AOAH: variants seen among roughly 807,000 people sequenced by gnomAD.
AOAH encodes the protein acyloxyacyl hydrolase.
A neutral mutation model predicts 92.2 loss-of-function variants in AOAH; 64 were observed. That is an observed-to-expected ratio of 0.69 (90% CI 0.57 to 0.86). The LOEUF (loss-of-function observed/expected upper bound fraction) is 0.86, where lower values mean the gene tolerates loss of function less well. Ranked by LOEUF, AOAH falls within the 40% of genes least tolerant of loss-of-function variation. The probability of loss-of-function intolerance (pLI) is 0.00; values close to 1 mark genes in which losing one functional copy is unlikely to be tolerated. For synonymous variants in AOAH, 263 were observed against 254.5 expected (o/e 1.03, Z -0.32); for missense variants, 656 against 694.6 (o/e 0.94, Z 0.62).
rs760808169 is a variant in AOAH, at chr7:36,594,346, T to A, written c.931A>T (p.Thr311Ser). 1 of 1,613,384 alleles carries A rather than the reference T, an allele frequency of 6.2e-7. No individual in the cohort carries two copies. The highest frequency in any genetic ancestry group is 2.2e-5 in the East Asian group (1 of 44,876). The stretch of plus-strand genomic sequence containing the variant: ...GTGCACAAAGACACTTACCCAACAG[T>A]GGAGTCCAGAAATCCTGTAGCACCA... ...LSGATGFLDS[T>S]VGIKEKSIYL... is the part of the protein sequence containing the mutation. The change falls in exon 12 of 21, where the codon ACT (threonine) becomes TCT (serine). Residue 311 changes from threonine (T) to serine (S), a missense_variant. Physicochemically the swap from Thr to Ser is moderately conservative, Grantham distance 58. Coordinates refer to ENST00000617537, the MANE Select transcript of AOAH (RefSeq NM_001637.4).
chr7:36,590,047 G>A (rs937577420), intron 12 of AOAH, among the ~76,000 whole-genome samples: 1 of 151,798 alleles, frequency 6.6e-6, no homozygotes, highest in Non-Finnish European at 1.5e-5. Context: ...CAAACTCCTG[G>A]GCTCAAGCAA....
intron 1 of AOAH, among the ~76,000 whole-genome samples, chr7:36,695,155 T>C (rs917090277): frequency 6.6e-6 from 1 of 152,196 alleles, no homozygotes; most frequent in Non-Finnish European, 1.5e-5. Context: ...CACAAATGTA[T>C]ACCTAGACAA....
chr7:36,611,802 C>T (rs1270691711), intron 11 of AOAH, among the ~76,000 whole-genome samples: 1 of 152,200 alleles, frequency 6.6e-6, no homozygotes, highest in East Asian at 1.9e-4. Flanking sequence ...ACATACTGGT[C>T]CGCAACATTT....
intron 1 of AOAH, among the ~76,000 whole-genome samples, chr7:36,702,427 A>G (rs921354890): frequency 6.6e-6 from 1 of 152,084 alleles, no homozygotes; most frequent in African/African-American, 2.4e-5. Flanking sequence ...TAATGTTTTA[A>G]CTGATTCAGA....
intron 3 of AOAH, among the ~76,000 whole-genome samples, chr7:36,668,899 C>T (rs914771946): frequency 2.6e-5 from 4 of 152,202 alleles, no homozygotes; most frequent in African/African-American, 9.6e-5. Flanking sequence ...TAATGTTGAA[C>T]CTATCACATT....
chr7:36,723,874 C>A (rs1179897203), intron 1 of AOAH, 148 bp downstream of exon 1: 7 of 805,276 alleles, frequency 8.7e-6, no homozygotes, highest in Non-Finnish European at 1.3e-5. Flanking sequence ...TTAGACTCCA[C>A]ATTTCTCTGT....
chr7:36,632,430 A>C (rs1198714519), intron 5 of AOAH, among the ~76,000 whole-genome samples: 2 of 149,834 alleles, frequency 1.3e-5, no homozygotes, highest in Non-Finnish European at 3.0e-5. Flanking sequence ...AAGTGCTTTA[A>C]AAATAAAGAA....
At chr7:36,639,456 A>T (rs747094745) in intron 4 of AOAH, among the ~76,000 whole-genome samples, 2 of 152,212 alleles carry the variant, frequency 1.3e-5, no homozygotes, top group African/African-American at 2.4e-5. Flanking sequence ...AGCCTCGCAC[A>T]GTCCTTGAGG....
intron 4 of AOAH, among the ~76,000 whole-genome samples, chr7:36,651,231 C>T (rs2116450845): frequency 6.6e-6 from 1 of 152,324 alleles, no homozygotes; most frequent in South Asian, 2.1e-4. Context: ...ATTGCTATCG[C>T]ATGCCATATG....
rs1791703968 is a variant in AOAH at position 36,614,388 on chromosome 7, A to G, written c.846+1992T>C. The stretch of plus-strand genomic sequence containing the variant: ...GTCCTTCGCTTAGAAAGGGCCCTGC[A>G]CTGGGTTTAATGCTCTGCTGCCCCA... On this transcript the variant is annotated intron_variant, in intron 11 of 20. Transcript: ENST00000617537. This position sits in a 1 kb window ranked among gnomAD's most constrained non-coding sequence, Gnocchi z 4.2. Among the ~76,000 whole-genome samples the G allele has an allele frequency of 6.6e-6, 1 of 152,172 alleles. No individual in the cohort carries two copies. The highest frequency in any genetic ancestry group is 2.4e-5 in the African/African-American group (1 of 41,440).
At chr7:36,625,766 G>A (rs1440639584) in intron 6 of AOAH, among the ~76,000 whole-genome samples, 4 of 152,126 alleles carry the variant, frequency 2.6e-5, no homozygotes, top group Non-Finnish European at 4.4e-5. Context: ...TGGTGGGAGC[G>A]GAGGGGAATG....
intron 12 of AOAH, among the ~76,000 whole-genome samples, chr7:36,590,785 C>T (rs1258781899): frequency 2.0e-5 from 3 of 152,250 alleles, no homozygotes; most frequent in African/African-American, 4.8e-5. Flanking sequence ...GAGCTGTATA[C>T]ACCTCTCAGA....
At chr7:36,565,555 C>G (rs1285422028) in intron 13 of AOAH, among the ~76,000 whole-genome samples, 1 of 147,304 alleles carries the variant, frequency 6.8e-6, no homozygotes, top group Non-Finnish European at 1.5e-5. Flanking sequence ...TTTTTTGAGA[C>G]AGGGTCTCAC....
chr7:36,594,534 C>G, intron 11 of AOAH, 104 bp from the exon 12 acceptor site: 1 of 935,586 alleles, frequency 1.1e-6, no homozygotes, highest in Non-Finnish European at 1.7e-6. Context: ...GTCTGTTTCC[C>G]ACTCTCAATC....
At chr7:36,683,665 G>A (rs192702756) in intron 2 of AOAH, among the ~76,000 whole-genome samples, 3 of 152,184 alleles carry the variant, frequency 2.0e-5, no homozygotes, top group Admixed American at 1.3e-4. Context: ...AGTTTGTGTG[G>A]AAAGGAGATA....
rs1783832509 is a variant in AOAH at position 36,517,262 on chromosome 7, C to CTCTCTCTTTCTTTCTTTCTT, written c.1600-3883_1600-3882insAAGAAAGAAAGAAAGAGAGA. ...TCTCTCTCTTTCTTTCTGTGTCTCT[C>CTCTCTCTTTCTTTCTTTCTT]TCTTTCTTTCTTTCTTTCTTTCTTT... On this transcript the variant is annotated intron_variant, in intron 20 of 20. Coordinates refer to ENST00000617537, the MANE Select transcript of AOAH (RefSeq NM_001637.4). Among the ~76,000 whole-genome samples the CTCTCTCTTTCTTTCTTTCTT allele has an allele frequency of 2.0e-4, 26 of 132,692 alleles. 3 individuals carry two copies. Among genetic ancestry groups the CTCTCTCTTTCTTTCTTTCTT allele is most frequent in the African/African-American group, 7.5e-4 (24 of 31,950 alleles). 87.1% of individuals were successfully genotyped at this position (132,692 alleles called of 152,430 possible). A position where few individuals can be genotyped will look rare whatever the true frequency, so the allele number is the denominator to read the frequency against.
intron 3 of AOAH, among the ~76,000 whole-genome samples, chr7:36,665,356 T>C (rs1336564552): frequency 5.3e-5 from 8 of 152,180 alleles, no homozygotes; most frequent in Non-Finnish European, 7.4e-5. Context: ...TGTTGATATA[T>C]AGGAAAGTGG....
At chr7:36,541,307 T>C (rs1024902899) in intron 15 of AOAH, among the ~76,000 whole-genome samples, 1 of 152,198 alleles carries the variant, frequency 6.6e-6, no homozygotes, top group Non-Finnish European at 1.5e-5. Context: ...AATTATATTT[T>C]CTCTTCTTAT....
chr7:36,583,302 A>C (rs1399733341), intron 12 of AOAH, among the ~76,000 whole-genome samples: 1 of 152,200 alleles, frequency 6.6e-6, no homozygotes, highest in Non-Finnish European at 1.5e-5. Context: ...ACAGGCTTTA[A>C]GGCTTTATCC....
Sources: allele counts gnomAD v4.1 joint callset (sites outside exome capture counted in the v4.1 genomes callset), GRCh38; gene constraint gnomAD v4.1.1; non-coding constraint Gnocchi (gnomAD v3.1); transcripts MANE v1.5; gene names NCBI Gene and HGNC (gene_info 2026-07-23, HGNC 2026-07-21).